The following ACSS2 variants were observed in gnomAD, a reference collection of about 807,000 sequenced individuals.
ACSS2 encodes the protein acetyl-coenzyme A synthetase, cytoplasmic.
Under a neutral mutation model 90.6 loss-of-function variants are expected in ACSS2, and 58 were observed. That is an observed-to-expected ratio of 0.64 (90% CI 0.52 to 0.80). The LOEUF (loss-of-function observed/expected upper bound fraction) is 0.80. Ranked by LOEUF, ACSS2 falls within the 30% of genes least tolerant of loss-of-function variation. The pLI is 0.00. For missense variants in ACSS2, 759 were observed against 912.0 expected, an observed-to-expected ratio of 0.83 and a Z score of 2.16; for synonymous variants, 300 against 330.9, an observed-to-expected ratio of 0.91 and a Z score of 1.01.
chr20:34,919,390 C>A (rs754068386), intron 7 of ACSS2, 45 bp from the exon 8 acceptor site: 1 of 1,610,160 alleles, frequency 6.2e-7, no homozygotes. Context: ...TGTATCTTGT[C>A]CCCATCTTGA....
At chr20:34,884,314 A>C (rs2146972266) in intron 2 of ACSS2, among the ~76,000 whole-genome samples, 1 of 152,302 alleles carries the variant, frequency 6.6e-6, no homozygotes, top group Non-Finnish European at 1.5e-5. Context: ...GGGAGAGTTA[A>C]ATTGAAACTC....
intron 2 of ACSS2, among the ~76,000 whole-genome samples, chr20:34,906,852 G>C (rs2147054158): frequency 6.6e-6 from 1 of 151,630 alleles, no homozygotes; most frequent in South Asian, 2.1e-4. Context: ...GTGTGATGGT[G>C]GGTGCCTGTA....
At chr20:34,926,630 G>C (rs34939273) in intron 16 of ACSS2, among the ~76,000 whole-genome samples, 2,000 of 152,208 alleles carry the variant, frequency 0.013, 36 homozygotes, top group African/African-American at 0.046. Flanking sequence ...CTTGCCCAAG[G>C]CCACACTGCT....
chr20:34,878,504 C>T (rs1011372694), intron 1 of ACSS2, among the ~76,000 whole-genome samples: 13 of 152,274 alleles, frequency 8.5e-5, no homozygotes, highest in African/African-American at 3.1e-4. Flanking sequence ...ATGCACAGTA[C>T]ACATTCAATA....
At chr20:34,914,775 C>T (rs936360612) in intron 7 of ACSS2, among the ~76,000 whole-genome samples, 3 of 152,156 alleles carry the variant, frequency 2.0e-5, no homozygotes, top group African/African-American at 7.2e-5. Flanking sequence ...ATCTCCATTA[C>T]TAGGCTGTGA....
chr20:34,876,441 A>G (rs777427852), upstream of ACSS2: 11 of 462,046 alleles, frequency 2.4e-5, no homozygotes, highest in Non-Finnish European at 3.8e-5. Context: ...TCCTTATAGT[A>G]TTTCTGTCCT....
In ACSS2 at chr20:34,923,433, T is replaced by C; in HGVS notation, c.1657+2T>C. On this transcript the variant is annotated splice_donor_variant, in intron 14 of 17. Transcript: ENST00000360596. LOFTEE classifies it high-confidence loss of function. ...CTGGATACTATGTTACAGGAGATGG[T>C]GAGCCTTAGCTATCCCCCTCTTGCA... 2.5e-6 allele frequency: 4 copies of C among 1,610,418 alleles called. No homozygotes were observed. The highest frequency in any genetic ancestry group is 3.4e-6 in the Non-Finnish European group (4 of 1,176,678).
At chr20:34,883,074 A>G (rs2080105271) in intron 2 of ACSS2, 85 bp downstream of exon 2, 2 of 1,017,828 alleles carry the variant, frequency 2.0e-6, no homozygotes, top group South Asian at 1.7e-5. Flanking sequence ...GCAAAGTGTC[A>G]TCAACTTAAT....
chr20:34,908,994 TAAA>T (rs954851298), intron 2 of ACSS2: 1 of 426,690 alleles, frequency 2.3e-6, no homozygotes, highest in Non-Finnish European at 4.6e-6. Context: ...ATTTATTTGT[TAAA>T]TAAATTACAG....
chr20:34,920,696 C>T lies in ACSS2; in HGVS notation c.1130C>T (p.Ala377Val), dbSNP rs1308225578. Residue 377 changes from alanine (A) to valine (V), a missense_variant, in exon 9 of 18, where the codon GCC becomes GTC. Physicochemically the swap from Ala to Val is moderately conservative, Grantham distance 64. Transcript: ENST00000360596. ...ACCTATGGGCCACTGGCCAATGGTG[C>T]CACCAGTGTTTTGGTGAGAAGGGAG... is the stretch of plus-strand genomic sequence containing the variant. The part of the protein sequence containing the change: ...YVTYGPLANG[A>V]TSVLFEGIPT... 1.2e-6 allele frequency: 2 copies of T among 1,611,722 alleles called. No individual in the cohort carries two copies. The highest frequency in any genetic ancestry group is 2.7e-5 in the African/African-American group (2 of 74,870).
At chr20:34,898,691 T>TA (rs1393759788) in intron 2 of ACSS2, among the ~76,000 whole-genome samples, 2 of 152,180 alleles carry the variant, frequency 1.3e-5, no homozygotes, top group African/African-American at 2.4e-5. Flanking sequence ...TAGCTAGACT[T>TA]AGAGGTTCTC....
At chr20:34,919,625 T>C (rs1007366732) in intron 8 of ACSS2, 53 bp downstream of exon 8, 1 of 1,516,156 alleles carries the variant, frequency 6.6e-7, no homozygotes, top group Admixed American at 1.9e-5. Context: ...GTGTGTATTA[T>C]GTAGGGGTAA....
rs1270800512 is a variant in ACSS2, at chr20:34,920,535, A to G, written c.973-4A>G. 2 of 1,613,248 alleles carry G rather than the reference A, an allele frequency of 1.2e-6. No individual in the cohort carries two copies. The highest frequency in any genetic ancestry group is 1.7e-6 in the Non-Finnish European group (2 of 1,179,862). ...CCCTAACCTGTTCCCCATTCTTCCC[A>G]CAGGGTGTGGTTCACACAGTTGGGG... On this transcript the variant is annotated splice_polypyrimidine_tract_variant and splice_region_variant and intron_variant, in intron 8 of 17. Coordinates refer to ENST00000360596, the MANE Select transcript of ACSS2 (RefSeq NM_018677.4).
intron 10 of ACSS2, 77 bp downstream of exon 10, chr20:34,921,216 T>C: frequency 1.9e-6 from 3 of 1,608,978 alleles, no homozygotes; most frequent in Non-Finnish European, 2.5e-6. Flanking sequence ...TCTCTTCTTT[T>C]CCATTGTCCC....
At chr20:34,899,470 T>TTCCTTCCTTACTTC (rs1363808926) in intron 2 of ACSS2, among the ~76,000 whole-genome samples, 1 of 107,702 alleles carries the variant, frequency 9.3e-6, no homozygotes, top group African/African-American at 3.5e-5. Flanking sequence ...TTCCTTCCTT[T>TTCCTTCCTTACTTC]CTTTTTCTTT....
chr20:34,895,044 G>C (rs1311710112), intron 2 of ACSS2, among the ~76,000 whole-genome samples: 2 of 152,172 alleles, frequency 1.3e-5, no homozygotes, highest in African/African-American at 2.4e-5. Context: ...TCTGATGTTG[G>C]GGGGAGGGAC....
rs912257213 is a variant in ACSS2, at chr20:34,922,099, T to C, written c.1548+233T>C. ...GCGTTTTAAGAGTTGCTCAGATTCCTGATGGTACCTTTTTGGGTCTGGAAG... is the reference window on the plus strand; with the variant it reads ...GCGTTTTAAGAGTTGCTCAGATTCCCGATGGTACCTTTTTGGGTCTGGAAG... On this transcript the variant is annotated intron_variant, in intron 13 of 17. Transcript: ENST00000360596. The C allele has an allele frequency of 2.6e-5, 26 of 998,750 alleles. No individual in the cohort carries two copies. In the African/African-American group the frequency reaches 4.3e-4, roughly 17 times the overall value. The allele number at this position is 998,750 out of a possible 1,614,324, so 61.9% of individuals were successfully genotyped here.
Position 34,901,066 on chromosome 20 carries a change from T to A in ACSS2, c.375-12030T>A, listed in dbSNP as rs988399203. Among the ~76,000 whole-genome samples, 7 of 152,184 alleles carry A rather than the reference T, an allele frequency of 4.6e-5. 1 individual carries two copies. The highest frequency in any genetic ancestry group is 3.9e-4 in the Admixed American group (6 of 15,272). On this transcript the variant is annotated intron_variant, in intron 2 of 17. Transcript: ENST00000360596. ...TAAATAATCCAGTTCTTCCGCCACA[T>A]TTCTAGTGTTTGATAGCTATATGTG...
At chr20:34,899,678 G>A (rs2080598528) in intron 2 of ACSS2, among the ~76,000 whole-genome samples, 2 of 151,622 alleles carry the variant, frequency 1.3e-5, no homozygotes, top group African/African-American at 2.4e-5. Flanking sequence ...TAGTAGAGAC[G>A]GGGTTTCACC....
Sources: allele counts gnomAD v4.1 joint callset (sites outside exome capture counted in the v4.1 genomes callset), GRCh38; gene constraint gnomAD v4.1.1; transcripts MANE v1.5; gene names NCBI Gene and HGNC (gene_info 2026-07-23, HGNC 2026-07-21).